The following LRGUK variants were observed in gnomAD, a reference collection of about 807,000 sequenced individuals.
LRGUK encodes leucine rich repeats and guanylate kinase domain containing.
In LRGUK, 65 loss-of-function variants were observed where a neutral mutation model predicts 76.0. The observed-to-expected ratio is 0.85, with a 90% CI of 0.70 to 1.05. The LOEUF is 1.05. Ranked by LOEUF, LRGUK falls within the 50% of genes least tolerant of loss-of-function variation. The probability of loss-of-function intolerance (pLI) is 0.00; values close to 1 mark genes in which losing one functional copy is unlikely to be tolerated. For synonymous variants in LRGUK, 268 were observed against 265.6 expected, an observed-to-expected ratio of 1.01 and a Z score of -0.09; for missense variants, 758 against 732.8, an observed-to-expected ratio of 1.03 and a Z score of -0.40.
rs151049407 is a variant in LRGUK at position 134,179,668 on chromosome 7, C to T, written c.1214+1059C>T. On this transcript the variant is annotated intron_variant, in intron 10 of 15. Coordinates refer to ENST00000645682, the Ensembl canonical transcript of LRGUK. ...GCTAGTTGTTTCATGCTTTAGGGTA[C>T]GTTTAAATAAAAACATATATCAAGG... Among the ~76,000 whole-genome samples, 159 of 152,140 alleles carry T rather than the reference C, an allele frequency of 1.0e-3. 2 individuals carry two copies. In the East Asian group the frequency reaches 0.024, roughly 23 times the overall value.
chr7:134,190,450 C>A (rs983662706), intron 11 of LRGUK, among the ~76,000 whole-genome samples: 3 of 152,232 alleles, frequency 2.0e-5, no homozygotes, highest in Non-Finnish European at 4.4e-5. Context: ...TCAAGCAATC[C>A]TCCTGCCTTG....
At chr7:134,223,171 T>C (rs1204022624) in intron 16 of LRGUK, among the ~76,000 whole-genome samples, 1 of 152,194 alleles carries the variant, frequency 6.6e-6, no homozygotes, top group Admixed American at 6.5e-5. Flanking sequence ...ACCCACAGGC[T>C]TTGCTCCCAC....
rs1466247281 is a variant in LRGUK, at chr7:134,137,141, C to T, written c.405+11C>T. On this transcript the variant is annotated intron_variant, in intron 2 of 15. Coordinates refer to ENST00000645682, the Ensembl canonical transcript of LRGUK. ...AATCTAACTTTATCAGTGAGTATGA[C>T]AAAATCTCCATTGGCTGGCTACAGC... 1 of 1,574,758 alleles carries T rather than the reference C, an allele frequency of 6.4e-7. No homozygotes were observed. Among genetic ancestry groups the T allele is most frequent in the Admixed American group, 1.7e-5 (1 of 58,598 alleles).
chr7:134,240,912 G>C (rs1183716570), intron 16 of LRGUK, among the ~76,000 whole-genome samples: 2 of 152,186 alleles, frequency 1.3e-5, no homozygotes, highest in Admixed American at 6.5e-5. Flanking sequence ...CATTCTTAAA[G>C]AAAAGAATTT....
At chr7:134,268,717 C>CTTTTTTTTT (rs71531815), downstream of LRGUK, among the ~76,000 whole-genome samples, 20 of 57,350 alleles carry the variant, frequency 3.5e-4, 2 homozygotes, top group African/African-American at 6.3e-4. Context: ...TGCAAAAAAT[C>CTTTTTTTTT]TTTTTTTTTT....
At chr7:134,166,111 G>A (rs728579) in intron 7 of LRGUK, among the ~76,000 whole-genome samples, 19,893 of 151,746 alleles carry the variant, frequency 0.13, 1,647 homozygotes, top group East Asian at 0.32. Context: ...CAGGACTACC[G>A]AGAATACTGT....
rs578054117 is a variant in LRGUK, at chr7:134,209,352, A to G, written c.2489A>G (p.His830Arg). The G allele has an allele frequency of 1.5e-5, 6 of 399,038 alleles. No homozygotes were observed. In the East Asian group the frequency reaches 1.8e-4, roughly 12 times the overall value. 24.7% of individuals were successfully genotyped at this position (399,038 alleles called of 1,614,324 possible). Residue 830 changes from histidine (H) to arginine (R), a missense_variant, in exon 16 of 16, where the codon CAC becomes CGC. Transcript: ENST00000645682. ...CATGATCCTCCAAAAGATTCTTCCC[A>G]CACTGACTTGGTGCAGAAACTTGCT...
intron 1 of LRGUK, among the ~76,000 whole-genome samples, chr7:134,128,331 C>A (rs906965488): frequency 3.3e-5 from 5 of 152,174 alleles, no homozygotes; most frequent in South Asian, 4.1e-4. Flanking sequence ...ACTGGGATGG[C>A]GGCTTCGCGT....
intron 11 of LRGUK, among the ~76,000 whole-genome samples, chr7:134,189,449 A>T (rs1482408400): frequency 6.6e-6 from 1 of 152,162 alleles, no homozygotes; most frequent in Non-Finnish European, 1.5e-5. Flanking sequence ...ATGATGAATT[A>T]AAAAAACACA....
At chr7:134,259,096 C>T (rs537047647) in intron 19 of LRGUK, among the ~76,000 whole-genome samples, 99 of 152,184 alleles carry the variant, frequency 6.5e-4, no homozygotes, top group African/African-American at 2.1e-3. Context: ...TTCACTGTGG[C>T]GGTTCGGCAG....
At chr7:134,143,344 T>G (rs1490963150) in intron 4 of LRGUK, among the ~76,000 whole-genome samples, 182 bp downstream of exon 4, 3 of 152,210 alleles carry the variant, frequency 2.0e-5, no homozygotes, top group African/African-American at 4.8e-5. Flanking sequence ...AGGGAGCTGG[T>G]CTGTCAGTGG....
chr7:134,274,734 C>A, the LRGUK span, among the ~76,000 whole-genome samples: 1 of 152,132 alleles, frequency 6.6e-6, no homozygotes, highest in South Asian at 2.1e-4. Context: ...CTTTTTGTTT[C>A]ATTGTTGTAT....
chr7:134,225,841 A>G (rs1471642998), intron 16 of LRGUK, among the ~76,000 whole-genome samples: 2 of 152,230 alleles, frequency 1.3e-5, no homozygotes, highest in African/African-American at 4.8e-5. Flanking sequence ...GACCATCACA[A>G]CAGAAGATTC....
chr7:134,210,257 T>C (rs1801195769), downstream of LRGUK: 1 of 398,866 alleles, frequency 2.5e-6, no homozygotes, highest in Non-Finnish European at 4.4e-6. Flanking sequence ...TCTAAGCTAG[T>C]ATTTCAGTGT....
At chr7:134,221,034 T>C (rs1801580173) in intron 15 of LRGUK, among the ~76,000 whole-genome samples, 2 of 152,198 alleles carry the variant, frequency 1.3e-5, no homozygotes, top group Admixed American at 6.5e-5. Context: ...TTTTCTTTCT[T>C]AGTTTCCGCC....
At chr7:134,176,345 C>A (rs2116990111) in intron 8 of LRGUK, among the ~76,000 whole-genome samples, 1 of 152,246 alleles carries the variant, frequency 6.6e-6, no homozygotes, top group East Asian at 1.9e-4. Flanking sequence ...TGTAAGAAAC[C>A]TGCACGTCCT....
chr7:134,269,610 A>C, the LRGUK span, among the ~76,000 whole-genome samples: 1 of 152,166 alleles, frequency 6.6e-6, no homozygotes, highest in Non-Finnish European at 1.5e-5. Context: ...TCAGCCTCCC[A>C]AAATGCTAGG....
chr7:134,258,293 G>T, exon 19 of LRGUK: 1 of 1,614,070 alleles, frequency 6.2e-7, no homozygotes, highest in Non-Finnish European at 8.5e-7. Context: ...AATGTTCATT[G>T]TTTCGGTTCT....
intron 16 of LRGUK, among the ~76,000 whole-genome samples, chr7:134,223,189 A>G (rs939901439): frequency 1.1e-4 from 16 of 152,244 alleles, no homozygotes; most frequent in African/African-American, 2.6e-4. Context: ...CACTAGCTTG[A>G]GCACTACTCT....
Sources: allele counts gnomAD v4.1 joint callset (sites outside exome capture counted in the v4.1 genomes callset), GRCh38; gene constraint gnomAD v4.1.1; transcripts MANE v1.5; gene names NCBI Gene and HGNC (gene_info 2026-07-23, HGNC 2026-07-21).